Variants in RABL3 observed in about 807,000 individuals in gnomAD.
RABL3 encodes RAB, member of RAS oncogene family like 3.
In RABL3, 31 loss-of-function variants were observed where a neutral mutation model predicts 31.8. The observed-to-expected ratio is 0.97, with a 90% confidence interval of 0.73 to 1.31. RABL3 has a LOEUF of 1.31. RABL3 is among the 40% of genes most tolerant of loss of function. The pLI, the probability that RABL3 is intolerant of heterozygous loss-of-function variation, is 0.00. For synonymous variants in RABL3, 97 were observed against 99.9 expected (o/e 0.97, Z 0.18); for missense variants, 263 against 279.6 (o/e 0.94, Z 0.42).
chr3:120,715,705 T>C (rs1307547906), intron 2 of RABL3, among the ~76,000 whole-genome samples: 1 of 152,182 alleles, frequency 6.6e-6, no homozygotes, highest in Non-Finnish European at 1.5e-5. Context: ...CACATGAGGC[T>C]ATTGGCTACT....
chr3:120,726,558 T>C (rs573765304), intron 2 of RABL3, among the ~76,000 whole-genome samples: 23 of 152,110 alleles, frequency 1.5e-4, no homozygotes, highest in East Asian at 1.2e-3. Context: ...CTAGCCAACA[T>C]GGCAAAACCC....
intron 2 of RABL3, among the ~76,000 whole-genome samples, chr3:120,713,394 T>G (rs1708633011): frequency 6.6e-6 from 1 of 152,262 alleles, no homozygotes; most frequent in Admixed American, 6.5e-5. Flanking sequence ...CAGCTTCTAG[T>G]TATGATGTTA....
chr3:120,725,306 G>A (rs1037149314), intron 2 of RABL3, among the ~76,000 whole-genome samples: 1 of 152,214 alleles, frequency 6.6e-6, no homozygotes, highest in African/African-American at 2.4e-5. Context: ...AACAGGTGCT[G>A]GAGAGGATGT....
intron 1 of RABL3, among the ~76,000 whole-genome samples, chr3:120,739,839 CTTAA>C (rs1324255281): frequency 1.3e-5 from 2 of 152,122 alleles, no homozygotes; most frequent in African/African-American, 4.8e-5. Context: ...CCTAGTTTAG[CTTAA>C]TTGTGTTAGG....
chr3:120,715,337 G>T (rs181716819), intron 2 of RABL3, among the ~76,000 whole-genome samples: 7 of 152,246 alleles, frequency 4.6e-5, no homozygotes, highest in Admixed American at 1.3e-4. Flanking sequence ...CCAGGAGTTT[G>T]AGACCAGCCT....
chr3:120,739,073 A>C (rs1709009327), intron 1 of RABL3, among the ~76,000 whole-genome samples: 1 of 152,176 alleles, frequency 6.6e-6, no homozygotes. Context: ...TGTTAACCTG[A>C]TAAAGGAATA....
chr3:120,737,398 A>G (rs1435174360), intron 1 of RABL3, among the ~76,000 whole-genome samples: 3 of 152,056 alleles, frequency 2.0e-5, no homozygotes, highest in Non-Finnish European at 2.9e-5. Flanking sequence ...ACTTCTCTAC[A>G]TTGGTTATTC....
chr3:120,713,808 C>CTT (rs61372023), intron 2 of RABL3, among the ~76,000 whole-genome samples: 3,771 of 121,636 alleles, frequency 0.031, 133 homozygotes, highest in Middle Eastern at 0.038. Flanking sequence ...TTGTCTGTAA[C>CTT]TTTTTTTTTT....
chr3:120,701,561 A>G (rs1434100023), intron 4 of RABL3, among the ~76,000 whole-genome samples: 1 of 152,210 alleles, frequency 6.6e-6, no homozygotes, highest in Non-Finnish European at 1.5e-5. Flanking sequence ...ATTTTAGTAG[A>G]AAATAGAGAA....
intron 1 of RABL3, among the ~76,000 whole-genome samples, chr3:120,740,173 C>T (rs961928518): frequency 2.6e-5 from 4 of 152,112 alleles, no homozygotes; most frequent in Admixed American, 1.3e-4. Flanking sequence ...AAGAGAAAAC[C>T]GTATGGTAGT....
At chr3:120,706,205 A>C in intron 3 of RABL3, 91 bp from the exon 4 acceptor site, 1 of 766,360 alleles carries the variant, frequency 1.3e-6, no homozygotes, top group Non-Finnish European at 2.2e-6. Context: ...CAGAAGCATT[A>C]GGTTGCTTAA....
intron 2 of RABL3, among the ~76,000 whole-genome samples, chr3:120,725,562 G>A (rs963995549): frequency 3.2e-4 from 48 of 152,186 alleles, no homozygotes; most frequent in Non-Finnish European, 5.3e-4. Context: ...GTCCATCAAT[G>A]GTAGAGTGGA....
intron 2 of RABL3, among the ~76,000 whole-genome samples, chr3:120,719,585 C>T (rs1655504313): frequency 2.0e-5 from 3 of 152,226 alleles, no homozygotes; most frequent in South Asian, 4.1e-4. Context: ...CCTACGCCCA[C>T]GAAGCCTCGC....
intron 5 of RABL3, among the ~76,000 whole-genome samples, chr3:120,696,875 C>G (rs1308798786): frequency 1.3e-5 from 2 of 151,950 alleles, no homozygotes; most frequent in South Asian, 2.1e-4. Flanking sequence ...ATTGTGGCAG[C>G]TGAGAAAAAT....
intron 2 of RABL3, among the ~76,000 whole-genome samples, chr3:120,720,980 T>C (rs896085960): frequency 1.8e-4 from 28 of 152,058 alleles, no homozygotes; most frequent in African/African-American, 6.7e-4. Context: ...GACTAACAGC[T>C]GATCTCTTGG....
At chr3:120,717,552 T>C (rs1426335495) in intron 2 of RABL3, among the ~76,000 whole-genome samples, 1 of 152,160 alleles carries the variant, frequency 6.6e-6, no homozygotes, top group African/African-American at 2.4e-5. Context: ...CACTGCAACC[T>C]CCGCATCCCG....
intron 2 of RABL3, among the ~76,000 whole-genome samples, chr3:120,728,956 T>A (rs1224414885): frequency 6.6e-6 from 1 of 152,190 alleles, no homozygotes; most frequent in Non-Finnish European, 1.5e-5. Context: ...GGTTGGTGCC[T>A]GGAGTCTTAA....
chr3:120,733,821 C>G (rs999187737), intron 1 of RABL3, among the ~76,000 whole-genome samples: 2 of 152,128 alleles, frequency 1.3e-5, no homozygotes, highest in Non-Finnish European at 2.9e-5. Flanking sequence ...GAATCCTTTC[C>G]CCATTGCTTG....
intron 3 of RABL3, among the ~76,000 whole-genome samples, chr3:120,707,043 C>G (rs1708557031): frequency 6.6e-6 from 1 of 152,128 alleles, no homozygotes; most frequent in African/African-American, 2.4e-5. Context: ...GTTTCAAACT[C>G]CCAACCCTTT....
Sources: gnomAD v4.1 joint callset for allele counts (sites outside exome capture counted in the v4.1 genomes callset) on GRCh38, gnomAD v4.1.1 for gene constraint, MANE v1.5 for transcripts, NCBI Gene and HGNC (gene_info 2026-07-23, HGNC 2026-07-21) for gene names.